Variants in TACR1 observed in about 807,000 individuals in gnomAD.
TACR1 encodes the protein tachykinin receptor 1, also known as substance-P receptor.
A neutral mutation model predicts 35.8 loss-of-function variants in TACR1; 25 were observed. The observed-to-expected ratio is 0.70, with a 90% confidence interval of 0.51 to 0.98. The LOEUF (loss-of-function observed/expected upper bound fraction) is 0.98. Ranked by LOEUF, TACR1 falls within the 50% of genes least tolerant of loss-of-function variation. The probability of loss-of-function intolerance (pLI) is 0.00; values close to 1 mark genes in which losing one functional copy is unlikely to be tolerated. For synonymous variants in TACR1, 195 were observed against 206.7 expected (o/e 0.94, Z 0.48); for missense variants, 478 against 522.9 (o/e 0.91, Z 0.84).
intron 1 of TACR1, among the ~76,000 whole-genome samples, chr2:75,195,052 G>T (rs1323687847): frequency 6.6e-6 from 1 of 152,114 alleles, no homozygotes; most frequent in African/African-American, 2.4e-5. Flanking sequence ...GAACGGGGCT[G>T]TTGAGGGGGG....
chr2:75,122,765 CT>C (rs1201631502), intron 1 of TACR1, among the ~76,000 whole-genome samples: 4 of 152,182 alleles, frequency 2.6e-5, no homozygotes, highest in African/African-American at 7.2e-5. Flanking sequence ...GCAAAAACAA[CT>C]CTCAATATGT....
intron 2 of TACR1, among the ~76,000 whole-genome samples, chr2:75,091,201 CAA>C (rs1184236584): frequency 0.029 from 1,819 of 63,350 alleles, 36 homozygotes; most frequent in African/African-American, 0.087. Flanking sequence ...CTCGTAGGTG[CAA>C]AAAAAAAAAA....
At chr2:75,060,188 G>A (rs1672644711) in intron 2 of TACR1, among the ~76,000 whole-genome samples, 2 of 152,206 alleles carry the variant, frequency 1.3e-5, no homozygotes, top group African/African-American at 2.4e-5. Context: ...GCCAAAGAGT[G>A]TGCCATGGGA....
At chr2:75,053,849 C>T in intron 2 of TACR1, 94 bp from the exon 3 acceptor site, 1 of 1,514,440 alleles carries the variant, frequency 6.6e-7, no homozygotes, top group Non-Finnish European at 9.0e-7. Context: ...GGTTTGGCAG[C>T]TACCTTTCTC....
chr2:75,127,812 A>G (rs1033697423), intron 1 of TACR1, among the ~76,000 whole-genome samples: 1 of 152,182 alleles, frequency 6.6e-6, no homozygotes, highest in African/African-American at 2.4e-5. Context: ...TTCCTATCTC[A>G]CTACTATCTG....
chr2:75,170,341 C>CA (rs769002912), intron 1 of TACR1, among the ~76,000 whole-genome samples: 6 of 152,216 alleles, frequency 3.9e-5, no homozygotes, highest in Admixed American at 6.5e-5. Context: ...CATTTGTCTT[C>CA]AGCCAAGATT....
At chr2:75,142,313 G>A (rs1674423704) in intron 1 of TACR1, among the ~76,000 whole-genome samples, 2 of 152,168 alleles carry the variant, frequency 1.3e-5, no homozygotes, top group Non-Finnish European at 2.9e-5. Flanking sequence ...CTCAGGAGAA[G>A]GTTGTTTCAC....
At chr2:75,052,842 G>T (rs1672494260) in intron 3 of TACR1, among the ~76,000 whole-genome samples, 1 of 151,930 alleles carries the variant, frequency 6.6e-6, no homozygotes, top group African/African-American at 2.4e-5. Flanking sequence ...TCCATGATAA[G>T]AATTAAATTT....
At chr2:75,109,562 G>A (rs1673712451) in intron 2 of TACR1, among the ~76,000 whole-genome samples, 1 of 152,094 alleles carries the variant, frequency 6.6e-6, no homozygotes, top group African/African-American at 2.4e-5. Flanking sequence ...AGAAACAGGT[G>A]GAAATTCAAA....
At chr2:75,191,531 G>C (rs1675847490) in intron 1 of TACR1, among the ~76,000 whole-genome samples, 2 of 152,140 alleles carry the variant, frequency 1.3e-5, no homozygotes, top group Admixed American at 6.6e-5. Flanking sequence ...TTTTCCTGGG[G>C]CACAATACCT....
chr2:75,154,059 GC>G (rs1674739145), intron 1 of TACR1, among the ~76,000 whole-genome samples: 1 of 152,106 alleles, frequency 6.6e-6, no homozygotes, highest in Admixed American at 6.5e-5. Flanking sequence ...TAATTGAAGG[GC>G]GGGGGTGTGG....
chr2:75,128,101 C>G (rs1443703983), intron 1 of TACR1, among the ~76,000 whole-genome samples: 1 of 152,142 alleles, frequency 6.6e-6, no homozygotes, highest in Non-Finnish European at 1.5e-5. Flanking sequence ...TACCAAAGAG[C>G]CTTACACAAC....
intron 1 of TACR1, among the ~76,000 whole-genome samples, chr2:75,176,582 G>C (rs910285261): frequency 6.6e-6 from 1 of 152,074 alleles, no homozygotes; most frequent in Non-Finnish European, 1.5e-5. Context: ...GAAGATTTCT[G>C]GGGGAGGCCG....
At position 75,053,649 on chromosome 2, in the gene TACR1, C is replaced by A. The variant is rs1455513856; in HGVS notation, c.691G>T (p.Asp231Tyr). 1 of 1,599,914 alleles carries A rather than the reference C, an allele frequency of 6.3e-7. No homozygotes were observed. Among genetic ancestry groups the A allele is most frequent in the East Asian group, 2.2e-5 (1 of 44,602 alleles). The change falls in exon 3 of 5, where the codon GAC becomes TAC. Residue 231 changes from aspartate to tyrosine, a missense_variant. By Grantham distance (160) the Asp-to-Tyr change is radical (BLOSUM62 -3). Transcript: ENST00000305249. ...ITLWASEIPG[D>Y]SSDRYHEQVS... ...TGCTCGTGGTAGCGGTCAGAGGAGTCCCCGGGGATCTCACTGGCCCATAGT... is the reference window on the plus strand; with the variant it reads ...TGCTCGTGGTAGCGGTCAGAGGAGTACCCGGGGATCTCACTGGCCCATAGT...
At chr2:75,092,640 A>T (rs1230464402) in intron 2 of TACR1, among the ~76,000 whole-genome samples, 2 of 146,784 alleles carry the variant, frequency 1.4e-5, no homozygotes, top group African/African-American at 4.9e-5. Context: ...AACTGAACCG[A>T]CTGTGTCCAG....
intron 1 of TACR1, among the ~76,000 whole-genome samples, chr2:75,151,840 G>T (rs1287206795): frequency 6.6e-6 from 1 of 151,802 alleles, no homozygotes; most frequent in Non-Finnish European, 1.5e-5. Flanking sequence ...ACCCTGCAAA[G>T]CCACAGGCAT....
At chr2:75,063,313 C>T (rs1041198011) in intron 2 of TACR1, among the ~76,000 whole-genome samples, 3 of 152,150 alleles carry the variant, frequency 2.0e-5, no homozygotes, top group South Asian at 2.1e-4. Context: ...TTGGGGTGGT[C>T]ATATTGTCTT....
intron 1 of TACR1, among the ~76,000 whole-genome samples, chr2:75,166,045 A>G (rs1388781735): frequency 6.6e-6 from 1 of 152,258 alleles, no homozygotes; most frequent in Non-Finnish European, 1.5e-5. Flanking sequence ...TCCTAAAGGG[A>G]TACTTTTCCC....
chr2:75,132,703 C>G (rs905093672), intron 1 of TACR1, among the ~76,000 whole-genome samples: 3 of 152,100 alleles, frequency 2.0e-5, no homozygotes, highest in African/African-American at 2.4e-5. Flanking sequence ...TTTGTTGATG[C>G]CTTGTTGAAG....
Sources: allele counts gnomAD v4.1 joint callset (sites outside exome capture counted in the v4.1 genomes callset), GRCh38; gene constraint gnomAD v4.1.1; transcripts MANE v1.5; gene names NCBI Gene and HGNC (gene_info 2026-07-23, HGNC 2026-07-21).